The following YLPM1 variants were observed in gnomAD, a reference collection of about 807,000 sequenced individuals.
The protein encoded by YLPM1 is YLP motif containing 1.
Under a neutral mutation model 230.0 loss-of-function variants are expected in YLPM1, and 99 were observed. The ratio of observed to expected loss-of-function variants is 0.43; its 90% CI spans 0.37 to 0.51. YLPM1 has a LOEUF of 0.51. YLPM1 is among the 20% of genes least tolerant of loss of function. The pLI is 0.00. For synonymous variants in YLPM1, 984 were observed against 942.5 expected, an observed-to-expected ratio of 1.04 and a Z score of -0.81; for missense variants, 2,592 against 2,707.7, an observed-to-expected ratio of 0.96 and a Z score of 0.95.
intron 1 of YLPM1, among the ~76,000 whole-genome samples, chr14:74,775,757 T>C (rs1281140889): frequency 1.3e-5 from 2 of 152,040 alleles, no homozygotes; most frequent in Non-Finnish European, 2.9e-5. Context: ...GATCATCTTT[T>C]ATTTCATTTT....
intron 4 of YLPM1, among the ~76,000 whole-genome samples, chr14:74,786,398 A>T (rs796482347): frequency 5.3e-4 from 79 of 149,448 alleles, no homozygotes; most frequent in African/African-American, 1.9e-3. Flanking sequence ...ACATGGTATC[A>T]CTACTAGATC....
At chr14:74,811,116 C>G (rs2140126753) in intron 9 of YLPM1, among the ~76,000 whole-genome samples, 1 of 152,222 alleles carries the variant, frequency 6.6e-6, no homozygotes, top group African/African-American at 2.4e-5. Context: ...CGTGAGCCAT[C>G]ATGCCCAGCT....
At chr14:74,802,814 GT>G in intron 6 of YLPM1, 138 bp downstream of exon 6, 1 of 1,110,264 alleles carries the variant, frequency 9.0e-7, no homozygotes, top group Non-Finnish European at 1.2e-6. Context: ...AAAGTTTATG[GT>G]AATTGAACTT....
At position 74,788,705 on chromosome 14, in the gene YLPM1, T is replaced by G. The variant is rs948368357; in HGVS notation, c.2282+6380T>G. ...CAAAAAGTAAAAAATTAGCCAGGCT[T>G]GGTGGCATGTGCCTGTGGTCCCAGT... On this transcript the variant is annotated intron_variant, in intron 4 of 20. Transcript: ENST00000325680. Among the ~76,000 whole-genome samples the G allele has an allele frequency of 4.6e-5, 7 of 151,996 alleles. No homozygotes were observed. The East Asian group carries it at 1.4e-3, about 29-fold the overall frequency.
In YLPM1 at chr14:74,775,879, C is replaced by T. The variant is rs530748611; in HGVS notation, c.874-2568C>T. Among the ~76,000 whole-genome samples, 7 of 152,222 alleles carry T rather than the reference C, an allele frequency of 4.6e-5. No individual in the cohort carries two copies. The South Asian group carries it at 8.3e-4, about 18-fold the overall frequency. ...ATAGTTTTTACTGTAAAGTACTGTT[C>T]GGTTGTTAACTGGTAGGACTTCTAG... On this transcript the variant is annotated intron_variant, in intron 1 of 20. Coordinates refer to ENST00000325680, the MANE Select transcript of YLPM1 (RefSeq NM_019589.3).
chr14:74,817,072 C>G lies in YLPM1; in HGVS notation c.5827C>G (p.Gln1943Glu), dbSNP rs752467058. 6 of 1,609,306 alleles carry G rather than the reference C, an allele frequency of 3.7e-6. No homozygotes were observed. Among genetic ancestry groups the G allele is most frequent in the Non-Finnish European group, 4.2e-6 (5 of 1,178,228 alleles). The stretch of plus-strand genomic sequence containing the variant: ...CAATGACAGAGTTAGGCATTTTGAC[C>G]AGTTTTGGAGTGCAGCAAAAACCAA... ...AINDRVRHFD[Q>E]FWSAAKTKGF... Residue 1943 changes from glutamine (Q) to glutamate (E), a missense_variant, in exon 14 of 21, where the codon CAG (glutamine) becomes GAG (glutamate). Around this residue, in one of 4 missense-constraint regions of YLPM1, gnomAD observed 315 missense variants for 429.3 expected, o/e 0.73. Transcript: ENST00000325680.
chr14:74,795,547 A>G (rs1018150753), intron 4 of YLPM1, among the ~76,000 whole-genome samples: 9 of 152,200 alleles, frequency 5.9e-5, no homozygotes, highest in East Asian at 1.9e-4. Flanking sequence ...TTTTATTTCT[A>G]CTGGTGACAA....
At chr14:74,784,774 A>T (rs1350678426) in intron 4 of YLPM1, among the ~76,000 whole-genome samples, 1 of 152,180 alleles carries the variant, frequency 6.6e-6, no homozygotes, top group African/African-American at 2.4e-5. Context: ...GTTATTTAAA[A>T]ACTATTACCC....
At chr14:74,800,608 G>T (rs1014427407) in intron 5 of YLPM1, among the ~76,000 whole-genome samples, 2 of 152,110 alleles carry the variant, frequency 1.3e-5, no homozygotes, top group African/African-American at 4.8e-5. Flanking sequence ...TACATTTGTG[G>T]ATCTTAACAA....
At chr14:74,764,843 T>G (rs1444257164) in intron 1 of YLPM1, among the ~76,000 whole-genome samples, 1 of 152,208 alleles carries the variant, frequency 6.6e-6, no homozygotes, top group African/African-American at 2.4e-5. Flanking sequence ...AGTTGTCAGC[T>G]TCCTGAATTA....
At chr14:74,783,927 A>T (rs1019602639) in intron 4 of YLPM1, among the ~76,000 whole-genome samples, 3 of 152,220 alleles carry the variant, frequency 2.0e-5, no homozygotes, top group African/African-American at 7.2e-5. Context: ...CTCAGTCAGG[A>T]TTATTTAGCA....
intron 2 of YLPM1, among the ~76,000 whole-genome samples, chr14:74,779,535 A>C (rs2091072876): frequency 6.6e-6 from 1 of 152,184 alleles, no homozygotes; most frequent in Non-Finnish European, 1.5e-5. Flanking sequence ...CCTTATATGA[A>C]GGGTTTAATC....
chr14:74,791,303 A>G (rs1285726594), intron 4 of YLPM1, among the ~76,000 whole-genome samples: 2 of 152,112 alleles, frequency 1.3e-5, no homozygotes, highest in African/African-American at 4.8e-5. Context: ...AGTGATAAAT[A>G]TTTGCCATTT....
intron 8 of YLPM1, 97 bp downstream of exon 8, chr14:74,810,099 A>T: frequency 1.4e-6 from 2 of 1,457,822 alleles, no homozygotes; most frequent in South Asian, 2.7e-5. Flanking sequence ...TCCATTTAAT[A>T]CAGCTAAAAG....
rs1163684536 is a variant in YLPM1, at chr14:74,811,676, A to T, written c.5285A>T (p.Asp1762Val). ...DHSSSRRGGFDRPSYDRKSDR... is the reference protein window; with the variant it reads ...DHSSSRRGGFVRPSYDRKSDR... Reference sequence around the variant, plus strand: ...TCCTCATCCAGAAGAGGGGGTTTTGATAGGCCATCCTATGACCGGAAGTCT... The same window carrying T: ...TCCTCATCCAGAAGAGGGGGTTTTGTTAGGCCATCCTATGACCGGAAGTCT... The change falls in exon 10 of 21, where the codon GAT (aspartate) becomes GTT (valine). Residue 1762 changes from aspartate to valine, a missense_variant. Around this residue, in one of 4 missense-constraint regions of YLPM1, gnomAD observed 403 missense variants for 426.7 expected, o/e 0.94. Transcript: ENST00000325680. The T allele has an allele frequency of 6.2e-7, 1 of 1,613,074 alleles. No individual in the cohort carries two copies. The highest frequency in any genetic ancestry group is 2.2e-5 in the East Asian group (1 of 44,856).
Position 74,798,855 on chromosome 14 carries a change from T to C in YLPM1, c.3558T>C (p.Asp1186=). 6.2e-7 allele frequency: 1 copy of C among 1,613,830 alleles called. No individual in the cohort carries two copies. Among genetic ancestry groups the C allele is most frequent in the South Asian group, 1.1e-5 (1 of 91,068 alleles). Residue 1186 remains aspartate (D), a synonymous_variant, in exon 5 of 21, where the codon GAT becomes GAC. Coordinates refer to ENST00000325680, the MANE Select transcript of YLPM1 (RefSeq NM_019589.3). Reference sequence around the variant, plus strand: ...AAAAAATGTATCCATATCACCGGGATGAGCCTCCTAGGGCTCCATGGAACC... The same window carrying C: ...AAAAAATGTATCCATATCACCGGGACGAGCCTCCTAGGGCTCCATGGAACC... The part of the protein sequence containing the change: ...GGEKMYPYHR[D]EPPRAPWNHG...
chr14:74,765,137 C>T (rs1475569786), intron 1 of YLPM1, among the ~76,000 whole-genome samples: 1 of 152,166 alleles, frequency 6.6e-6, no homozygotes, highest in Non-Finnish European at 1.5e-5. Context: ...ATGAGAGAGT[C>T]AGCCATTCTT....
intron 6 of YLPM1, among the ~76,000 whole-genome samples, chr14:74,808,684 A>C (rs1295726564): frequency 6.6e-6 from 1 of 151,934 alleles, no homozygotes; most frequent in Non-Finnish European, 1.5e-5. Context: ...GGTGCCTGTA[A>C]TCCCAGTTAC....
At chr14:74,816,326 C>T in intron 12 of YLPM1, 61 bp downstream of exon 12, 1 of 1,526,634 alleles carries the variant, frequency 6.6e-7, no homozygotes, top group Non-Finnish European at 9.0e-7. Context: ...AGTCACTTGC[C>T]TTCTTATTAA....
Sources: allele counts gnomAD v4.1 joint callset (sites outside exome capture counted in the v4.1 genomes callset), GRCh38; gene constraint gnomAD v4.1.1; regional missense constraint gnomAD v4.1.1; transcripts MANE v1.5; gene names NCBI Gene and HGNC (gene_info 2026-07-23, HGNC 2026-07-21).